The following MAPKAPK2 variants were observed in gnomAD, a reference collection of about 807,000 sequenced individuals.
MAPKAPK2 encodes the protein MAPK activated protein kinase 2, also known as MAP kinase-activated protein kinase 2.
A neutral mutation model predicts 48.8 loss-of-function variants in MAPKAPK2; 9 were observed. The ratio of observed to expected loss-of-function variants is 0.18; its 90% CI spans 0.11 to 0.32. The LOEUF is 0.32. Ranked by LOEUF, MAPKAPK2 falls within the 10% of genes least tolerant of loss-of-function variation. MAPKAPK2 has a pLI of 1.00. For synonymous variants in MAPKAPK2, 202 were observed against 190.6 expected (o/e 1.06, Z -0.49); for missense variants, 331 against 498.3 (o/e 0.66, Z 3.20).
chr1:206,687,419 A>G (rs1195384903), intron 1 of MAPKAPK2, among the ~76,000 whole-genome samples: 1 of 152,256 alleles, frequency 6.6e-6, no homozygotes, highest in African/African-American at 2.4e-5. Context: ...TCAGGTTAGA[A>G]GTGGGCGAAG....
rs575837678 is a variant in MAPKAPK2 at position 206,723,125 on chromosome 1, G to A, written c.280-5585G>A. Among the ~76,000 whole-genome samples, 339 of 152,270 alleles carry A rather than the reference G, an allele frequency of 2.2e-3. 3 individuals are homozygous for A. Among genetic ancestry groups the A allele is most frequent in the Admixed American group, 0.017 (260 of 15,298 alleles). On this transcript the variant is annotated intron_variant, in intron 1 of 9. Transcript: ENST00000367103. ...ATGTCTTCCTTCTCTCATTACATGC[G>A]CCCAGCTTAGGTGGTGTAGTGAGGG...
Position 206,732,951 on chromosome 1 carries a change from G to A in MAPKAPK2, c.*233G>A, listed in dbSNP as rs1572520521. On this transcript the variant is annotated 3_prime_UTR_variant, in exon 10 of 10. Transcript: ENST00000367103. The surrounding 1 kb of genome is among the most constrained non-coding windows in gnomAD (Gnocchi z 4.4). The stretch of plus-strand genomic sequence containing the variant: ...GTGAGCAAGGTGCTCTTGAACCTGT[G>A]CTCATTTTGCAATTTTATCAGTAAT... 4.1e-6 allele frequency: 2 copies of A among 485,318 alleles called. No individual in the cohort carries two copies. The highest frequency in any genetic ancestry group is 3.3e-5 in the East Asian group (1 of 30,478). 30.1% of individuals were successfully genotyped at this position (485,318 alleles called of 1,614,324 possible). A position where few individuals can be genotyped will look rare whatever the true frequency, so the allele number is the denominator to read the frequency against.
In MAPKAPK2 at chr1:206,713,797, C is replaced by T. The variant is rs138777940; in HGVS notation, c.280-14913C>T. 6.9e-3 allele frequency among the ~76,000 whole-genome samples: 1,046 copies of T among 152,220 alleles called. 13 individuals are homozygous for T. The highest frequency in any genetic ancestry group is 0.023 in the African/African-American group (974 of 41,528). ...GGGAGAATTGCTTGAACCCAAGAGG[C>T]GGAGTTTGCAGTGAGCTGAAATCAT... On this transcript the variant is annotated intron_variant, in intron 1 of 9. Transcript: ENST00000367103.
intron 1 of MAPKAPK2, among the ~76,000 whole-genome samples, chr1:206,723,066 C>T (rs1445291138): frequency 3.3e-5 from 5 of 152,236 alleles, no homozygotes; most frequent in African/African-American, 1.2e-4. Context: ...TTGCATCGCT[C>T]TTGGCGCTGA....
rs1553426248 is a variant in MAPKAPK2, at chr1:206,691,502, T to TATATATATATATATATATAC, written c.279+5997_279+5998insTATATATATATATATACATA. ...TTTAAGATATATATATATATATATA[T>TATATATATATATATATATAC]ATACACACATACACAGATATAGATA... On this transcript the variant is annotated intron_variant, in intron 1 of 9. Coordinates refer to ENST00000367103, the MANE Select transcript of MAPKAPK2 (RefSeq NM_032960.4). 1.4e-3 allele frequency among the ~76,000 whole-genome samples: 189 copies of TATATATATATATATATATAC among 132,644 alleles called. 2 individuals are homozygous for TATATATATATATATATATAC. Among genetic ancestry groups the TATATATATATATATATATAC allele is most frequent in the African/African-American group, 4.7e-3 (162 of 34,350 alleles). 87.0% of individuals were successfully genotyped at this position (132,644 alleles called of 152,430 possible).
intron 1 of MAPKAPK2, among the ~76,000 whole-genome samples, chr1:206,699,169 C>A (rs1672720531): frequency 6.6e-6 from 1 of 152,198 alleles, no homozygotes. Flanking sequence ...CCAGATCTTA[C>A]CATTTCTTGC....
At chr1:206,697,258 A>T (rs1672660278) in intron 1 of MAPKAPK2, among the ~76,000 whole-genome samples, 1 of 152,206 alleles carries the variant, frequency 6.6e-6, no homozygotes, top group South Asian at 2.1e-4. Flanking sequence ...ACAGACACAC[A>T]GATGCAGTCC....
At chr1:206,719,470 C>A (rs1212183713) in intron 1 of MAPKAPK2, among the ~76,000 whole-genome samples, 1 of 152,222 alleles carries the variant, frequency 6.6e-6, no homozygotes, top group African/African-American at 2.4e-5. Context: ...CTTGCTTTTG[C>A]CTCCCAACCA....
intron 1 of MAPKAPK2, among the ~76,000 whole-genome samples, chr1:206,714,350 C>CTG (rs1558582001): frequency 6.6e-6 from 1 of 152,146 alleles, no homozygotes; most frequent in Non-Finnish European, 1.5e-5. Flanking sequence ...GACTAGCTTG[C>CTG]TGTGGCCTCT....
chr1:206,717,289 G>T (rs74745748), intron 1 of MAPKAPK2, among the ~76,000 whole-genome samples: 104 of 152,252 alleles, frequency 6.8e-4, no homozygotes, highest in African/African-American at 2.3e-3. Context: ...TGTTCTGTAG[G>T]GCTGCTAGGA....
Position 206,730,075 on chromosome 1 carries a change from C to G in MAPKAPK2, c.668C>G (p.Pro223Arg), listed in dbSNP as rs1673852565. The G allele has an allele frequency of 6.2e-7, 1 of 1,614,128 alleles. No individual in the cohort carries two copies. Among genetic ancestry groups the G allele is most frequent in the African/African-American group, 1.3e-5 (1 of 74,942 alleles). ...ACCAGCCACAACTCTTTGACCACTC[C>G]TTGTTATACACCGTACTATGTGGGT... ...ETTSHNSLTT[P>R]CYTPYYVAPE... The change falls in exon 5 of 10, where the codon CCT becomes CGT. Residue 223 changes from proline (P) to arginine (R), a missense_variant. This residue lies in a region of MAPKAPK2 where 111 missense variants were observed against 193.6 expected (regional missense o/e 0.57). Transcript: ENST00000367103.
Position 206,685,199 on chromosome 1 carries a change from C to T in MAPKAPK2, c.-31C>T, listed in dbSNP as rs1672237310. On this transcript the variant is annotated 5_prime_UTR_variant, in exon 1 of 10. Coordinates refer to ENST00000367103, the MANE Select transcript of MAPKAPK2 (RefSeq NM_032960.4). The stretch of plus-strand genomic sequence containing the variant: ...CGGAGGAGGGGGCGGCCGCGGGCAC[C>T]CCCGCCTGTGCCCCGGCGTCCCCGG... 9.1e-6 allele frequency: 3 copies of T among 329,994 alleles called. No individual in the cohort carries two copies. The highest frequency in any genetic ancestry group is 1.6e-5 in the Non-Finnish European group (3 of 189,152). 20.4% of individuals were successfully genotyped at this position (329,994 alleles called of 1,614,324 possible).
chr1:206,718,084 G>GA (rs1487671349), intron 1 of MAPKAPK2, among the ~76,000 whole-genome samples: 5 of 151,808 alleles, frequency 3.3e-5, no homozygotes, highest in Non-Finnish European at 5.9e-5. Flanking sequence ...TTTTGTTTTT[G>GA]AAAATTTAAA....
intron 1 of MAPKAPK2, among the ~76,000 whole-genome samples, chr1:206,691,482 G>GATATATATATAT (rs56752335): frequency 0.016 from 1,211 of 77,226 alleles, 60 homozygotes; most frequent in East Asian, 0.057. Context: ...TGTATTTTAA[G>GATATATATATAT]ATATATATAT....
Position 206,734,049 on chromosome 1 carries a change from C to T in MAPKAPK2, c.*1331C>T, listed in dbSNP as rs914425077. On this transcript the variant is annotated 3_prime_UTR_variant, in exon 10 of 10. Transcript: ENST00000367103. The stretch of plus-strand genomic sequence containing the variant: ...AGCAGCTGGGGTAGGCTGTCTGTGC[C>T]ATGGCCCCCCACTCCCCCTTCCCTT... 6.6e-5 allele frequency: 10 copies of T among 152,666 alleles called. No homozygotes were observed. Among genetic ancestry groups the T allele is most frequent in the Admixed American group, 5.9e-4 (9 of 15,286 alleles). The allele number at this position is 152,666 out of a possible 1,614,324, so 9.5% of individuals were successfully genotyped here.
rs1189654117 is a variant in MAPKAPK2 at position 206,706,508 on chromosome 1, C to T, written c.279+21000C>T. 3.3e-5 allele frequency among the ~76,000 whole-genome samples: 5 copies of T among 152,178 alleles called. No individual in the cohort carries two copies. In the East Asian group the frequency reaches 9.6e-4, roughly 29 times the overall value. On this transcript the variant is annotated intron_variant, in intron 1 of 9. Coordinates refer to ENST00000367103, the MANE Select transcript of MAPKAPK2 (RefSeq NM_032960.4). The stretch of plus-strand genomic sequence containing the variant: ...CTTGTACTTGCAGACTCCCAGGCTC[C>T]AGGCTCTCTGGAGGGGACCAGCAGC...
At chr1:206,707,218 G>A (rs1672990574) in intron 1 of MAPKAPK2, among the ~76,000 whole-genome samples, 1 of 152,036 alleles carries the variant, frequency 6.6e-6, no homozygotes, top group Non-Finnish European at 1.5e-5. Flanking sequence ...ATTCCAGGGT[G>A]GGAGCAGGAC....
chr1:206,711,239 G>A (rs902469484), intron 1 of MAPKAPK2, among the ~76,000 whole-genome samples: 3 of 151,980 alleles, frequency 2.0e-5, no homozygotes, highest in Non-Finnish European at 2.9e-5. Context: ...TTTCATGGAA[G>A]TTTTTTTTGT....
intron 1 of MAPKAPK2, among the ~76,000 whole-genome samples, chr1:206,688,183 G>A (rs1195986927): frequency 6.6e-6 from 1 of 152,204 alleles, no homozygotes; most frequent in Admixed American, 6.5e-5. Context: ...AGTCAGAGTT[G>A]CAAGGGACTT....
Sources: gnomAD v4.1 joint callset for allele counts (sites outside exome capture counted in the v4.1 genomes callset) on GRCh38, gnomAD v4.1.1 for gene constraint, gnomAD v4.1.1 regional missense constraint, Gnocchi (gnomAD v3.1) non-coding constraint, MANE v1.5 for transcripts, NCBI Gene and HGNC (gene_info 2026-07-23, HGNC 2026-07-21) for gene names.